The following NBEAL1 variants were observed in gnomAD, a reference collection of about 807,000 sequenced individuals.
The protein encoded by NBEAL1 is neurobeachin-like protein 1.
A neutral mutation model predicts 351.3 loss-of-function variants in NBEAL1; 273 were observed. The ratio of observed to expected loss-of-function variants is 0.78; its 90% CI spans 0.70 to 0.86. The LOEUF (loss-of-function observed/expected upper bound fraction) is 0.86, where lower values mean the gene tolerates loss of function less well. Ranked by LOEUF, NBEAL1 falls within the 40% of genes least tolerant of loss-of-function variation. NBEAL1 has a pLI of 0.00. For missense variants in NBEAL1, 2,961 were observed against 3,201.3 expected (o/e 0.92, Z 1.81); for synonymous variants, 1,050 against 1,086.4 (o/e 0.97, Z 0.66).
intron 9 of NBEAL1, among the ~76,000 whole-genome samples, chr2:203,083,976 CTGTG>C (rs59252809): frequency 0.016 from 2,176 of 134,002 alleles, 7 homozygotes; most frequent in African/African-American, 0.019. Flanking sequence ...TCCTCAGAGC[CTGTG>C]TGTGTGTGTG....
chr2:203,192,009 G>C (rs986184414), intron 46 of NBEAL1, among the ~76,000 whole-genome samples: 2 of 152,170 alleles, frequency 1.3e-5, no homozygotes, highest in South Asian at 4.1e-4. Context: ...AATCGCCACA[G>C]CTATTACAAC....
chr2:203,206,577 G>C (rs1360821956), intron 51 of NBEAL1, among the ~76,000 whole-genome samples: 1 of 124,082 alleles, frequency 8.1e-6, no homozygotes, highest in Non-Finnish European at 1.8e-5. Flanking sequence ...CGCCACGCCT[G>C]ACTGGTTTTC....
At chr2:203,119,385 C>T (rs570803612) in intron 18 of NBEAL1, among the ~76,000 whole-genome samples, 5 of 140,480 alleles carry the variant, frequency 3.6e-5, no homozygotes, top group Non-Finnish European at 7.6e-5. Flanking sequence ...TTGCAAAGTG[C>T]TAAGATTACA....
chr2:203,199,502 GA>G, intron 49 of NBEAL1, 55 bp downstream of exon 49: 1 of 817,358 alleles, frequency 1.2e-6, no homozygotes, highest in Non-Finnish European at 2.0e-6. Context: ...TTATTGCCAG[GA>G]AAAAAACTAG....
At chr2:203,137,429 G>C (rs2063242974) in intron 29 of NBEAL1, among the ~76,000 whole-genome samples, 1 of 152,188 alleles carries the variant, frequency 6.6e-6, no homozygotes, top group Non-Finnish European at 1.5e-5. Flanking sequence ...ATAGGACTCT[G>C]TAATGGTAGT....
At chr2:203,153,425 T>C (rs535584916) in intron 35 of NBEAL1, among the ~76,000 whole-genome samples, 5 of 152,080 alleles carry the variant, frequency 3.3e-5, no homozygotes, top group Admixed American at 3.3e-4. Context: ...ATTACAGACT[T>C]GAGCCGGCAT....
intron 36 of NBEAL1, among the ~76,000 whole-genome samples, chr2:203,163,685 A>G (rs924744305): frequency 1.6e-4 from 25 of 152,158 alleles, no homozygotes; most frequent in African/African-American, 5.8e-4. Flanking sequence ...TGTTGTTCCC[A>G]GTTCTTTTCA....
At chr2:203,110,597 C>G (rs1013369405) in intron 15 of NBEAL1, among the ~76,000 whole-genome samples, 6 of 150,752 alleles carry the variant, frequency 4.0e-5, no homozygotes, top group Admixed American at 3.3e-4. Flanking sequence ...TTGCTTGAGC[C>G]CAGGAAGTCA....
chr2:203,209,033 A>G (rs1196563579), intron 52 of NBEAL1, 128 bp from the exon 53 acceptor site: 3 of 744,426 alleles, frequency 4.0e-6, no homozygotes, highest in Admixed American at 3.0e-5. Flanking sequence ...AGGTGCATGT[A>G]TCCTTGATGG....
At chr2:203,184,449 AAAGT>A (rs771075665) in intron 44 of NBEAL1, among the ~76,000 whole-genome samples, 2 of 152,144 alleles carry the variant, frequency 1.3e-5, no homozygotes, top group African/African-American at 2.4e-5. Flanking sequence ...ATAAATAAAT[AAAGT>A]ATTAGTTTTT....
At chr2:203,091,970 T>C (rs1464304753) in intron 10 of NBEAL1, among the ~76,000 whole-genome samples, 20 of 152,250 alleles carry the variant, frequency 1.3e-4, no homozygotes, top group Admixed American at 1.3e-3. Context: ...CTATATAATA[T>C]TGTATTAAGT....
chr2:203,045,461 G>C (rs2061211068), intron 3 of NBEAL1, among the ~76,000 whole-genome samples: 1 of 152,116 alleles, frequency 6.6e-6, no homozygotes, highest in African/African-American at 2.4e-5. Context: ...CTATAAATAA[G>C]AGAATGAAAG....
At chr2:203,181,448 T>C (rs1038425364) in intron 43 of NBEAL1, 1 of 152,194 alleles carries the variant, frequency 6.6e-6, no homozygotes, top group Non-Finnish European at 1.5e-5. Context: ...ATTTATGTTA[T>C]GTTTTTGAAG....
chr2:203,116,898 T>C (rs1408901718), intron 18 of NBEAL1, among the ~76,000 whole-genome samples: 1 of 151,634 alleles, frequency 6.6e-6, no homozygotes, highest in East Asian at 1.9e-4. Context: ...GGTCAGGAGT[T>C]CGAGACCAAC....
chr2:203,126,908 C>A lies in NBEAL1; in HGVS notation c.3230C>A (p.Thr1077Lys), dbSNP rs981225493. Reference sequence around the variant, plus strand: ...TATGGTGTGCAGTTTCTCCTAGATACACTTAGGATTTATTATGGGTATGAT... The same window carrying A: ...TATGGTGTGCAGTTTCTCCTAGATAAACTTAGGATTTATTATGGGTATGAT... ...KKYGVQFLLD[T>K]LRIYYGNGCK... The change falls in exon 23 of 56, where the codon ACA (threonine) becomes AAA (lysine). Residue 1077 changes from threonine to lysine, a missense_variant. Physicochemically the swap from Thr to Lys is moderately conservative, Grantham distance 78 (BLOSUM62 -1). Coordinates refer to ENST00000683969, the MANE Select transcript of NBEAL1 (RefSeq NM_001378026.1). 2 of 1,548,330 alleles carry A rather than the reference C, an allele frequency of 1.3e-6. No individual in the cohort carries two copies. Among genetic ancestry groups the A allele is most frequent in the African/African-American group, 2.7e-5 (2 of 73,076 alleles).
Position 203,204,143 on chromosome 2 carries a change from G to A in NBEAL1, c.7506+1362G>A, listed in dbSNP as rs902114122. Reference sequence around the variant, plus strand: ...GGGGTTTCACCATCTTCTCCAGGACGGTCTCGAACTCTTGACCTCGTGATC... The same window carrying A: ...GGGGTTTCACCATCTTCTCCAGGACAGTCTCGAACTCTTGACCTCGTGATC... On this transcript the variant is annotated intron_variant, in intron 51 of 55. Transcript: ENST00000683969. 3.3e-5 allele frequency among the ~76,000 whole-genome samples: 5 copies of A among 150,846 alleles called. No individual in the cohort carries two copies. In the South Asian group the frequency reaches 1.1e-3, roughly 32 times the overall value.
At chr2:203,168,931 C>G (rs2106402749) in intron 38 of NBEAL1, among the ~76,000 whole-genome samples, 1 of 148,864 alleles carries the variant, frequency 6.7e-6, no homozygotes, top group East Asian at 2.0e-4. Flanking sequence ...TCCATTATTC[C>G]TTTTTTAATA....
At chr2:203,040,287 G>T in intron 2 of NBEAL1, 4 of 784,254 alleles carry the variant, frequency 5.1e-6, no homozygotes, top group Non-Finnish European at 8.8e-6. Context: ...ATGATTCCTG[G>T]AGGCAGAAAT....
intron 41 of NBEAL1, among the ~76,000 whole-genome samples, chr2:203,173,883 A>G (rs1204665855): frequency 6.6e-6 from 1 of 152,102 alleles, no homozygotes; most frequent in Non-Finnish European, 1.5e-5. Context: ...AATTGGCCTC[A>G]GCTTAATGAA....
Sources: allele counts gnomAD v4.1 joint callset (sites outside exome capture counted in the v4.1 genomes callset), GRCh38; gene constraint gnomAD v4.1.1; transcripts MANE v1.5; gene names NCBI Gene and HGNC (gene_info 2026-07-23, HGNC 2026-07-21).